UBE2O: variants seen among roughly 807,000 people sequenced by gnomAD.
The protein encoded by UBE2O is (E3-independent) E2 ubiquitin-conjugating enzyme.
In UBE2O, 15 loss-of-function variants were observed where a neutral mutation model predicts 125.8. That is an observed-to-expected ratio of 0.12 (90% CI 0.08 to 0.18). UBE2O has a LOEUF of 0.18. Among genes scored for constraint, UBE2O ranks in the 10% least tolerant of loss-of-function variants. UBE2O has a pLI of 1.00. For missense variants in UBE2O, 1,280 were observed against 1,723.6 expected (o/e 0.74, Z 4.56); for synonymous variants, 708 against 703.2 (o/e 1.01, Z -0.11).
At position 76,416,196 on chromosome 17, in the gene UBE2O, G is replaced by GTA. The variant is rs1208198858; in HGVS notation, c.418-10626_418-10625dup. 2.5e-3 allele frequency among the ~76,000 whole-genome samples: 380 copies of GTA among 151,616 alleles called. 1 individual carries two copies. Among genetic ancestry groups the GTA allele is most frequent in the Admixed American group, 4.1e-3 (63 of 15,242 alleles). On this transcript the variant is annotated intron_variant, in intron 1 of 17. Coordinates refer to ENST00000319380, the MANE Select transcript of UBE2O (RefSeq NM_022066.4). ...CGTGTGTGTGTGTATATGTATATGTGTATATGTGTGTGTATATGTATGTAT... is the reference window on the plus strand; with the variant it reads ...CGTGTGTGTGTGTATATGTATATGTGTATATATGTGTGTGTATATGTATGTAT...
At chr17:76,403,131 G>A (rs1184580560) in intron 3 of UBE2O, among the ~76,000 whole-genome samples, 2 of 152,138 alleles carry the variant, frequency 1.3e-5, no homozygotes, top group Non-Finnish European at 2.9e-5. Flanking sequence ...GATATCGAGA[G>A]CCAAGTCCCT....
rs200605073 is a variant in UBE2O at position 76,391,784 on chromosome 17, G to A, written c.3180C>T (p.Ser1060=). 2 of 1,614,134 alleles carry A rather than the reference G, an allele frequency of 1.2e-6. No homozygotes were observed. Among genetic ancestry groups the A allele is most frequent in the Admixed American group, 1.7e-5 (1 of 60,026 alleles). ...GGATGGAGATGAGCACCTGGAGAAG[G>A]CTGGACTTGCTTGTCCACCTCTCTG... ...KGTERWTSKS[S]LLQVLISIQG... is the part of the protein sequence containing the mutation. Residue 1060 remains serine, a synonymous_variant, in exon 17 of 18, where the codon AGC becomes AGT. Coordinates refer to ENST00000319380, the MANE Select transcript of UBE2O (RefSeq NM_022066.4). This position sits in a 1 kb window ranked among gnomAD's most constrained non-coding sequence, Gnocchi z 8.4.
intron 1 of UBE2O, among the ~76,000 whole-genome samples, chr17:76,423,725 T>TAAATAAATAAATAAATAAAAAAA (rs1407680083): frequency 6.7e-6 from 1 of 148,836 alleles, no homozygotes; most frequent in Non-Finnish European, 1.5e-5. Context: ...AATAAATAAA[T>TAAATAAATAAATAAATAAAAAAA]AAAAAATAAG....
At chr17:76,393,707 C>G (rs777313021) in intron 15 of UBE2O, among the ~76,000 whole-genome samples, 1 of 152,136 alleles carries the variant, frequency 6.6e-6, no homozygotes, top group Non-Finnish European at 1.5e-5. Flanking sequence ...AGGGTTTGAA[C>G]TCCATGGGGG....
Position 76,405,235 on chromosome 17 carries a change from C to T in UBE2O, c.559G>A (p.Val187Ile), listed in dbSNP as rs757129683. ...LIGTNCIIYP[V>I]NSKDLQHIWP... ...ATGTGCTGCAGGTCCTTGCTGTTGACGGGATAGATGATGCAGTTGGTGCCG... is the reference window on the plus strand; with the variant it reads ...ATGTGCTGCAGGTCCTTGCTGTTGATGGGATAGATGATGCAGTTGGTGCCG... Residue 187 changes from valine (V) to isoleucine (I), a missense_variant, in exon 3 of 18, where the codon GTC becomes ATC. Val to Ile is a conservative substitution (Grantham distance 29). This residue lies in a region of UBE2O where 206 missense variants were observed against 315.7 expected (regional missense o/e 0.65). Transcript: ENST00000319380. This position sits in a 1 kb window ranked among gnomAD's most constrained non-coding sequence, Gnocchi z 6.1. 4.3e-6 allele frequency: 7 copies of T among 1,612,574 alleles called. No individual in the cohort carries two copies. The highest frequency in any genetic ancestry group is 1.1e-5 in the South Asian group (1 of 90,810).
chr17:76,417,862 C>A (rs1014049201), intron 1 of UBE2O, among the ~76,000 whole-genome samples: 1 of 152,202 alleles, frequency 6.6e-6, no homozygotes, highest in Non-Finnish European at 1.5e-5. Context: ...TCTCACTGCA[C>A]CTGCAGAATT....
Position 76,391,852 on chromosome 17 carries a change from C to A in UBE2O, c.3151-39G>T, listed in dbSNP as rs998510331. 1 of 1,613,986 alleles carries A rather than the reference C, an allele frequency of 6.2e-7. No homozygotes were observed. The highest frequency in any genetic ancestry group is 8.5e-7 in the Non-Finnish European group (1 of 1,179,942). On this transcript the variant is annotated intron_variant, in intron 16 of 17. Coordinates refer to ENST00000319380, the MANE Select transcript of UBE2O (RefSeq NM_022066.4). The surrounding 1 kb of genome is among the most constrained non-coding windows in gnomAD (Gnocchi z 8.4). ...GGCACCATCAATTCTGTTCCCCAGGCCCCTATCCACCAGTGGCTCTTCCTC... is the reference window on the plus strand; with the variant it reads ...GGCACCATCAATTCTGTTCCCCAGGACCCTATCCACCAGTGGCTCTTCCTC...
At chr17:76,403,479 C>T (rs2072364896) in intron 3 of UBE2O, among the ~76,000 whole-genome samples, 1 of 151,956 alleles carries the variant, frequency 6.6e-6, no homozygotes, top group South Asian at 2.1e-4. Context: ...GCCATGTTGC[C>T]CAAGCTGGTC....
In UBE2O at chr17:76,404,131, G is replaced by A. The variant is rs767972918; in HGVS notation, c.588+1075C>T. ...TAGCAACATCAGAGCAATGGCTGGC[G>A]CAGGGGGAACTGTGAATGGAGGCCA... is the stretch of plus-strand genomic sequence containing the variant. On this transcript the variant is annotated intron_variant, in intron 3 of 17. Transcript: ENST00000319380. This position sits in a 1 kb window ranked among gnomAD's most constrained non-coding sequence, Gnocchi z 4.3. Among the ~76,000 whole-genome samples the A allele has an allele frequency of 5.9e-5, 9 of 152,208 alleles. No homozygotes were observed. Among genetic ancestry groups the A allele is most frequent in the South Asian group, 4.1e-4 (2 of 4,836 alleles).
At chr17:76,426,543 T>C (rs1227966690) in intron 1 of UBE2O, among the ~76,000 whole-genome samples, 2 of 152,256 alleles carry the variant, frequency 1.3e-5, no homozygotes, top group East Asian at 1.9e-4. Context: ...AAATTCCATA[T>C]TTTTACCCTC....
At chr17:76,433,355 T>C (rs529810390) in intron 1 of UBE2O, among the ~76,000 whole-genome samples, 39 of 147,974 alleles carry the variant, frequency 2.6e-4, no homozygotes, top group African/African-American at 8.1e-4. Context: ...ACATCTAGTA[T>C]GCTTCCATTT....
In UBE2O at chr17:76,398,631, A is replaced by T; in HGVS notation, c.1784-47T>A. On this transcript the variant is annotated intron_variant, in intron 10 of 17. Coordinates refer to ENST00000319380, the MANE Select transcript of UBE2O (RefSeq NM_022066.4). The surrounding 1 kb of genome is among the most constrained non-coding windows in gnomAD (Gnocchi z 5.4). Reference sequence around the variant, plus strand: ...AGTGACTAGCTAAGGGATCCCGGCTAAGGAGCCCACATCTCAAGCCAGTGC... The same window carrying T: ...AGTGACTAGCTAAGGGATCCCGGCTTAGGAGCCCACATCTCAAGCCAGTGC... The T allele has an allele frequency of 6.3e-7, 1 of 1,587,216 alleles. No homozygotes were observed. The highest frequency in any genetic ancestry group is 1.3e-5 in the African/African-American group (1 of 74,520).
chr17:76,452,633 T>C lies in UBE2O; in HGVS notation c.417+92A>G, dbSNP rs2073272424. The C allele has an allele frequency of 1.7e-6, 2 of 1,211,626 alleles. No homozygotes were observed. The highest frequency in any genetic ancestry group is 1.1e-6 in the Non-Finnish European group (1 of 951,642). The allele number at this position is 1,211,626 out of a possible 1,614,324, so 75.1% of individuals were successfully genotyped here. On this transcript the variant is annotated intron_variant, in intron 1 of 17. Transcript: ENST00000319380. This position sits in a 1 kb window ranked among gnomAD's most constrained non-coding sequence, Gnocchi z 4.4. Reference sequence around the variant, plus strand: ...GCGTCGGCCACTGCAGTGGCACCGCTCCGGGCAGGGCCCTGCACGCCGTCC... The same window carrying C: ...GCGTCGGCCACTGCAGTGGCACCGCCCCGGGCAGGGCCCTGCACGCCGTCC...
At chr17:76,445,418 C>A (rs62085016) in intron 1 of UBE2O, among the ~76,000 whole-genome samples, 5 of 152,208 alleles carry the variant, frequency 3.3e-5, no homozygotes, top group Admixed American at 6.5e-5. Context: ...CAAACCAACT[C>A]AAAATCCCCC....
At position 76,430,908 on chromosome 17, in the gene UBE2O, T is replaced by C. The variant is rs546750906; in HGVS notation, c.417+21817A>G. ...AAAAAGTTGCCAGCTTTTCTTGCCA[T>C]CCTAGCCTTTCAAATTTCAGTTCTG... On this transcript the variant is annotated intron_variant, in intron 1 of 17. Transcript: ENST00000319380. 10 of 409,818 alleles carry C rather than the reference T, an allele frequency of 2.4e-5. No homozygotes were observed. In the East Asian group the frequency reaches 7.1e-4, roughly 29 times the overall value. 25.4% of individuals were successfully genotyped at this position (409,818 alleles called of 1,614,324 possible).
At chr17:76,411,414 G>A (rs911735313) in intron 1 of UBE2O, among the ~76,000 whole-genome samples, 3 of 152,194 alleles carry the variant, frequency 2.0e-5, no homozygotes, top group South Asian at 2.1e-4. Context: ...GGGAAAAGGC[G>A]GCTTTGTGCC....
chr17:76,401,150 A>G lies in UBE2O; in HGVS notation c.755T>C (p.Leu252Pro), dbSNP rs2072316367. ...GAAGCCATAGGAATCATCGAAGAAGAGACCCTGCGGGATGTGGGGCCAAAG... is the reference window on the plus strand; with the variant it reads ...GAAGCCATAGGAATCATCGAAGAAGGGACCCTGCGGGATGTGGGGCCAAAG... The part of the protein sequence containing the change: ...DVCPHVSDSG[L>P]FFDDSYGFYP... The change falls in exon 6 of 18, where the codon CTC (leucine) becomes CCC (proline). Residue 252 changes from leucine to proline, a missense_variant. This residue lies in a region of UBE2O where 206 missense variants were observed against 315.7 expected (regional missense o/e 0.65). Transcript: ENST00000319380. 6.2e-7 allele frequency: 1 copy of G among 1,613,378 alleles called. No individual in the cohort carries two copies. The highest frequency in any genetic ancestry group is 1.7e-5 in the Admixed American group (1 of 60,000).
At chr17:76,431,807 G>C (rs2072912702) in intron 1 of UBE2O, among the ~76,000 whole-genome samples, 1 of 152,086 alleles carries the variant, frequency 6.6e-6, no homozygotes. Flanking sequence ...ATTTTAAAAA[G>C]AACAGCTCCA....
At chr17:76,418,458 G>A (rs1427323255) in intron 1 of UBE2O, among the ~76,000 whole-genome samples, 2 of 152,314 alleles carry the variant, frequency 1.3e-5, no homozygotes, top group East Asian at 3.9e-4. Flanking sequence ...AATGGTGGAA[G>A]CCAACAGTTG....
Sources: gnomAD v4.1 joint callset for allele counts (sites outside exome capture counted in the v4.1 genomes callset) on GRCh38, gnomAD v4.1.1 for gene constraint, gnomAD v4.1.1 regional missense constraint, Gnocchi (gnomAD v3.1) non-coding constraint, MANE v1.5 for transcripts, NCBI Gene and HGNC (gene_info 2026-07-23, HGNC 2026-07-21) for gene names.